Variants in NAALADL2 observed in about 807,000 individuals in gnomAD.
The protein encoded by NAALADL2 is inactive N-acetylated-alpha-linked acidic dipeptidase-like protein 2.
In NAALADL2, 76 loss-of-function variants were observed where a neutral mutation model predicts 87.2. The observed-to-expected ratio is 0.87, with a 90% CI of 0.72 to 1.05. NAALADL2 has a LOEUF of 1.05. Ranked by LOEUF, NAALADL2 falls within the 50% of genes least tolerant of loss-of-function variation. The pLI, the probability that NAALADL2 is intolerant of heterozygous loss-of-function variation, is 0.00. For synonymous variants in NAALADL2, 354 were observed against 331.0 expected (o/e 1.07, Z -0.75); for missense variants, 1,089 against 945.8 (o/e 1.15, Z -1.99).
chr3:174,511,153 C>T (rs561137657), intron 1 of NAALADL2, among the ~76,000 whole-genome samples: 15 of 151,994 alleles, frequency 9.9e-5, no homozygotes, highest in East Asian at 9.6e-4. Flanking sequence ...TTTATAAATA[C>T]GGAATGGGCT....
chr3:175,787,341 C>A (rs188608704), intron 13 of NAALADL2, among the ~76,000 whole-genome samples: 1 of 152,174 alleles, frequency 6.6e-6, no homozygotes, highest in Admixed American at 6.5e-5. Context: ...TGATCTCAGA[C>A]TGCTGTGCTA....
chr3:174,711,036 T>G (rs1346711996), intron 2 of NAALADL2, among the ~76,000 whole-genome samples: 1 of 152,178 alleles, frequency 6.6e-6, no homozygotes, highest in African/African-American at 2.4e-5. Context: ...GATTTTTCAG[T>G]GCAATTTATA....
intron 6 of NAALADL2, among the ~76,000 whole-genome samples, chr3:175,451,657 TTAAGA>T (rs1253793835): frequency 5.9e-5 from 9 of 152,112 alleles, no homozygotes; most frequent in African/African-American, 1.9e-4. Context: ...AATAAACATT[TTAAGA>T]TATTTGATGA....
Position 175,550,861 on chromosome 3 carries a change from C to T in NAALADL2, c.1654-25180C>T, listed in dbSNP as rs541884480. Among the ~76,000 whole-genome samples, 8 of 152,278 alleles carry T rather than the reference C, an allele frequency of 5.3e-5. No individual in the cohort carries two copies. The South Asian group carries it at 6.2e-4, about 12-fold the overall frequency. On this transcript the variant is annotated intron_variant, in intron 9 of 13. Coordinates refer to ENST00000454872, the MANE Select transcript of NAALADL2 (RefSeq NM_207015.3). ...AGGGAAAACTCACATATGCCTAAAA[C>T]ATTTGGCTGATGCCATTTAGTTTGG...
Position 175,807,737 on chromosome 3 carries a change from C to A in NAALADL2, c.*4534C>A, listed in dbSNP as rs921834768. 6.6e-6 allele frequency: 1 copy of A among 151,726 alleles called. No homozygotes were observed. Among genetic ancestry groups the A allele is most frequent in the Non-Finnish European group, 1.5e-5 (1 of 67,850 alleles). 9.4% of individuals were successfully genotyped at this position (151,726 alleles called of 1,614,324 possible). Reference sequence around the variant, plus strand: ...ATTTGAGAAAATATATATATTCTGCCCAGCCACACTGGTGAGTTTTTATTT... The same window carrying A: ...ATTTGAGAAAATATATATATTCTGCACAGCCACACTGGTGAGTTTTTATTT... On this transcript the variant is annotated 3_prime_UTR_variant, in exon 14 of 14. Transcript: ENST00000454872.
At chr3:174,765,143 CGAGAGAG>C (rs1281934580) in intron 3 of NAALADL2, among the ~76,000 whole-genome samples, 5 of 124,552 alleles carry the variant, frequency 4.0e-5, no homozygotes, top group East Asian at 2.0e-4. Flanking sequence ...CACACACACA[CGAGAGAG>C]AGAGAGAGAG....
intron 5 of NAALADL2, among the ~76,000 whole-genome samples, chr3:175,347,901 A>G (rs1024630493): frequency 1.3e-5 from 2 of 151,954 alleles, no homozygotes; most frequent in Admixed American, 6.6e-5. Flanking sequence ...GCAACCTCCA[A>G]CAGGCCCCAG....
intron 5 of NAALADL2, among the ~76,000 whole-genome samples, chr3:175,420,882 C>G (rs1715578355): frequency 6.6e-6 from 1 of 151,910 alleles, no homozygotes; most frequent in Non-Finnish European, 1.5e-5. Context: ...ACCATTCTTT[C>G]CTAGTATATA....
chr3:174,853,474 G>A (rs757853039), intron 3 of NAALADL2, among the ~76,000 whole-genome samples: 2 of 151,674 alleles, frequency 1.3e-5, no homozygotes, highest in Non-Finnish European at 2.9e-5. Context: ...ATGGGCCTGG[G>A]CAAAGTTTTC....
At chr3:175,473,923 T>C (rs1409799522) in intron 9 of NAALADL2, among the ~76,000 whole-genome samples, 1 of 152,172 alleles carries the variant, frequency 6.6e-6, no homozygotes, top group Non-Finnish European at 1.5e-5. Flanking sequence ...GTACACACAG[T>C]AGTGGGATTG....
chr3:174,731,571 G>A (rs188911707), intron 2 of NAALADL2, among the ~76,000 whole-genome samples: 19 of 152,184 alleles, frequency 1.2e-4, no homozygotes, highest in Middle Eastern at 3.4e-3. Flanking sequence ...CATCATGGTC[G>A]GGTGTTAATA....
chr3:174,747,288 C>A (rs1338651256), intron 3 of NAALADL2, among the ~76,000 whole-genome samples: 4 of 152,056 alleles, frequency 2.6e-5, no homozygotes, highest in African/African-American at 9.7e-5. Flanking sequence ...AGACACTTCT[C>A]AAGGAATACA....
chr3:174,730,588 A>G (rs1732608243), intron 2 of NAALADL2, among the ~76,000 whole-genome samples: 1 of 152,136 alleles, frequency 6.6e-6, no homozygotes, highest in Non-Finnish European at 1.5e-5. Context: ...CGGATATTTT[A>G]TTTTGTAGAA....
Position 174,836,567 on chromosome 3 carries a change from G to A in NAALADL2, c.-9+98821G>A, listed in dbSNP as rs376117898. 3.9e-5 allele frequency among the ~76,000 whole-genome samples: 6 copies of A among 152,066 alleles called. No individual in the cohort carries two copies. The East Asian group carries it at 9.7e-4, about 25-fold the overall frequency. Reference sequence around the variant, plus strand: ...ATACAACAACAAAGAAAATTAGCTGGACATGGTGGTGGGTGCCTGTGGTCC... The same window carrying A: ...ATACAACAACAAAGAAAATTAGCTGAACATGGTGGTGGGTGCCTGTGGTCC... On this transcript the variant is annotated intron_variant, in intron 3 of 3. Transcript: ENST00000434257.
At chr3:175,799,747 A>T (rs565427118) in intron 13 of NAALADL2, among the ~76,000 whole-genome samples, 3 of 152,300 alleles carry the variant, frequency 2.0e-5, no homozygotes, top group African/African-American at 7.2e-5. Flanking sequence ...AGTCATTTTG[A>T]GATATCATCA....
chr3:174,792,893 AT>A (rs1260336792), intron 3 of NAALADL2, among the ~76,000 whole-genome samples: 1 of 152,140 alleles, frequency 6.6e-6, no homozygotes, highest in Non-Finnish European at 1.5e-5. Context: ...TAGAATGTAA[AT>A]ATGTTTCACT....
intron 2 of NAALADL2, among the ~76,000 whole-genome samples, chr3:174,594,005 G>A (rs1285169460): frequency 6.6e-6 from 1 of 152,076 alleles, no homozygotes; most frequent in East Asian, 1.9e-4. Context: ...ATTTTCCTGT[G>A]ACATTTACAT....
chr3:175,262,846 GGCAAACTT>G (rs1751296899), intron 4 of NAALADL2, among the ~76,000 whole-genome samples: 1 of 151,674 alleles, frequency 6.6e-6, no homozygotes. Flanking sequence ...TGTATAGGAA[GGCAAACTT>G]GCCTCTTTTT....
intron 1 of NAALADL2, among the ~76,000 whole-genome samples, chr3:174,974,816 G>A (rs922692974): frequency 1.3e-5 from 2 of 152,110 alleles, no homozygotes; most frequent in African/African-American, 2.4e-5. Flanking sequence ...AAGAGGGAGA[G>A]AGAGGCAAAA....
Sources: gnomAD v4.1 joint callset for allele counts (sites outside exome capture counted in the v4.1 genomes callset) on GRCh38, gnomAD v4.1.1 for gene constraint, MANE v1.5 for transcripts, NCBI Gene and HGNC (gene_info 2026-07-23, HGNC 2026-07-21) for gene names.